DLG1: variants seen among roughly 807,000 people sequenced by gnomAD.
DLG1 encodes discs large MAGUK scaffold protein 1, also known as disks large homolog 1.
A neutral mutation model predicts 123.4 loss-of-function variants in DLG1; 42 were observed. The ratio of observed to expected loss-of-function variants is 0.34; its 90% CI spans 0.27 to 0.44. The LOEUF (loss-of-function observed/expected upper bound fraction) is 0.44. Among genes scored for constraint, DLG1 ranks in the 20% least tolerant of loss-of-function variants. DLG1 has a pLI of 1.00. For missense variants in DLG1, 942 were observed against 1,082.6 expected (o/e 0.87, Z 1.82); for synonymous variants, 317 against 356.2 (o/e 0.89, Z 1.24).
intron 13 of DLG1, among the ~76,000 whole-genome samples, chr3:197,109,613 G>A (rs1263711502): frequency 1.3e-5 from 2 of 152,114 alleles, no homozygotes; most frequent in Admixed American, 6.5e-5. Context: ...TCTTCATGTG[G>A]ATTTGAGTTA....
At chr3:197,187,852 T>A (rs916253043) in intron 5 of DLG1, among the ~76,000 whole-genome samples, 1 of 152,242 alleles carries the variant, frequency 6.6e-6, no homozygotes, top group Non-Finnish European at 1.5e-5. Flanking sequence ...TTAAGATTTT[T>A]AAAAAACTAT....
At chr3:197,212,396 T>A (rs932756854) in intron 4 of DLG1, among the ~76,000 whole-genome samples, 1 of 152,160 alleles carries the variant, frequency 6.6e-6, no homozygotes, top group Admixed American at 6.5e-5. Flanking sequence ...AAAGATTAAG[T>A]AAAACTGTCT....
intron 24 of DLG1, among the ~76,000 whole-genome samples, chr3:197,047,307 C>T (rs1724003670): frequency 6.6e-6 from 1 of 151,918 alleles, no homozygotes; most frequent in Non-Finnish European, 1.5e-5. Context: ...AGAAAAAAAC[C>T]TATAAATGTG....
chr3:197,231,518 G>T (rs1225574044), intron 4 of DLG1, among the ~76,000 whole-genome samples: 1 of 151,924 alleles, frequency 6.6e-6, no homozygotes, highest in African/African-American at 2.4e-5. Flanking sequence ...TTGGGCAACA[G>T]AGCGAAACCC....
chr3:197,088,123 C>T (rs1309606683), intron 15 of DLG1, among the ~76,000 whole-genome samples: 3 of 152,052 alleles, frequency 2.0e-5, no homozygotes, highest in Non-Finnish European at 4.4e-5. Context: ...CAATTTATCC[C>T]CCCCTTTACC....
At chr3:197,298,795 A>G (rs1778647324), upstream of DLG1, among the ~76,000 whole-genome samples, 1 of 151,902 alleles carries the variant, frequency 6.6e-6, no homozygotes, top group Non-Finnish European at 1.5e-5. Flanking sequence ...GCTTGGGGGG[A>G]GGGGTTTCAT....
At chr3:197,278,346 T>G (rs1767555946) in intron 4 of DLG1, among the ~76,000 whole-genome samples, 1 of 130,718 alleles carries the variant, frequency 7.7e-6, no homozygotes, top group Non-Finnish European at 1.6e-5. Flanking sequence ...GGTGCACACA[T>G]GTAGGCCCAG....
At chr3:197,202,879 T>C (rs184016890) in intron 4 of DLG1, among the ~76,000 whole-genome samples, 2 of 152,268 alleles carry the variant, frequency 1.3e-5, no homozygotes, top group African/African-American at 4.8e-5. Context: ...TAAGGAGGAA[T>C]GCTGTCCGTG....
At chr3:197,060,265 C>G (rs1022425227) in intron 22 of DLG1, among the ~76,000 whole-genome samples, 2 of 152,040 alleles carry the variant, frequency 1.3e-5, no homozygotes, top group Non-Finnish European at 2.9e-5. Flanking sequence ...AGTTATTTCT[C>G]AAAATGGTGA....
intron 13 of DLG1, among the ~76,000 whole-genome samples, chr3:197,114,905 G>A (rs990247681): frequency 5.4e-5 from 8 of 149,382 alleles, no homozygotes; most frequent in South Asian, 4.3e-4. Context: ...GCATGAACCC[G>A]GGAGGCGGAG....
chr3:197,191,627 A>G (rs922246467), intron 5 of DLG1, among the ~76,000 whole-genome samples: 1 of 152,202 alleles, frequency 6.6e-6, no homozygotes, highest in African/African-American at 2.4e-5. Context: ...GACAAAAATA[A>G]TAAATAAATT....
At chr3:197,173,317 A>C (rs1805234051) in intron 5 of DLG1, among the ~76,000 whole-genome samples, 1 of 152,168 alleles carries the variant, frequency 6.6e-6, no homozygotes, top group African/African-American at 2.4e-5. Flanking sequence ...TGATGACCTC[A>C]CTGATGTAAT....
chr3:197,101,416 C>T (rs1175939637), intron 14 of DLG1, among the ~76,000 whole-genome samples: 1 of 151,012 alleles, frequency 6.6e-6, no homozygotes, highest in African/African-American at 2.4e-5. Flanking sequence ...GACAGAGTCT[C>T]GCTCTGTCGC....
chr3:197,106,633 T>C (rs1289358762), intron 13 of DLG1, among the ~76,000 whole-genome samples: 3 of 152,178 alleles, frequency 2.0e-5, no homozygotes, highest in Middle Eastern at 3.2e-3. Context: ...TCACAGATTA[T>C]TGTAGAAAAG....
intron 5 of DLG1, among the ~76,000 whole-genome samples, chr3:197,192,379 G>A (rs1309254354): frequency 6.6e-6 from 1 of 151,732 alleles, no homozygotes; most frequent in Admixed American, 6.6e-5. Context: ...AATACTACTA[G>A]AAAAGAAGGC....
intron 4 of DLG1, among the ~76,000 whole-genome samples, chr3:197,260,906 G>T (rs552704677): frequency 2.2e-4 from 34 of 151,936 alleles, no homozygotes; most frequent in Admixed American, 1.8e-3. Context: ...TTTGAGAAGG[G>T]GAGCAGGAAA....
At chr3:197,272,101 A>C (rs917147611) in intron 4 of DLG1, among the ~76,000 whole-genome samples, 3 of 152,158 alleles carry the variant, frequency 2.0e-5, no homozygotes, top group Non-Finnish European at 4.4e-5. Flanking sequence ...ACAAGCTGCA[A>C]CTCTTTGCAA....
chr3:197,127,470 A>C (rs1426801555), intron 11 of DLG1, among the ~76,000 whole-genome samples: 1 of 78,296 alleles, frequency 1.3e-5, no homozygotes, highest in African/African-American at 6.8e-5. Flanking sequence ...ATATATATAT[A>C]TATATATATA....
chr3:197,152,351 G>A (rs1794297120), intron 5 of DLG1, among the ~76,000 whole-genome samples: 1 of 148,798 alleles, frequency 6.7e-6, no homozygotes, highest in Non-Finnish European at 1.5e-5. Flanking sequence ...AAGTCTTTTA[G>A]TTGTAGTTGT....
Sources: allele counts gnomAD v4.1 joint callset (sites outside exome capture counted in the v4.1 genomes callset), GRCh38; gene constraint gnomAD v4.1.1; transcripts MANE v1.5; gene names NCBI Gene and HGNC (gene_info 2026-07-23, HGNC 2026-07-21).